The following ALK variants were observed in gnomAD, a reference collection of about 807,000 sequenced individuals.
ALK encodes the protein ALK receptor tyrosine kinase.
A neutral mutation model predicts 163.1 loss-of-function variants in ALK; 74 were observed. That is an observed-to-expected ratio of 0.45 (90% CI 0.38 to 0.55). The LOEUF is 0.55. Ranked by LOEUF, ALK falls within the 20% of genes least tolerant of loss-of-function variation. The probability of loss-of-function intolerance (pLI) is 0.00; values close to 1 mark genes in which losing one functional copy is unlikely to be tolerated. For missense variants in ALK, 2,063 were observed against 2,105.3 expected (o/e 0.98, Z 0.39); for synonymous variants, 960 against 843.2 (o/e 1.14, Z -2.40).
intron 3 of ALK, among the ~76,000 whole-genome samples, chr2:29,677,234 T>C (rs1403518802): frequency 1.7e-4 from 11 of 64,756 alleles, no homozygotes; most frequent in Non-Finnish European, 2.2e-4. Context: ...TCTTCCTTCC[T>C]TCTCCCCTCC....
intron 4 of ALK, among the ~76,000 whole-genome samples, chr2:29,521,793 C>G (rs1672819459): frequency 6.6e-6 from 1 of 152,156 alleles, no homozygotes; most frequent in Admixed American, 6.5e-5. Flanking sequence ...AATTCCATCA[C>G]CCGATTCCAT....
chr2:29,855,820 C>T (rs1666124004), intron 1 of ALK, among the ~76,000 whole-genome samples: 1 of 152,122 alleles, frequency 6.6e-6, no homozygotes, highest in Admixed American at 6.5e-5. Context: ...TGTAGTCTTC[C>T]CATTTCTTCA....
chr2:29,618,139 G>A (rs1218322003), intron 3 of ALK, among the ~76,000 whole-genome samples: 1 of 152,200 alleles, frequency 6.6e-6, no homozygotes, highest in Non-Finnish European at 1.5e-5. Context: ...ATTCACTCCA[G>A]TTCCAAGCAA....
chr2:29,401,312 AC>A (rs1172512134), intron 4 of ALK, among the ~76,000 whole-genome samples: 1 of 151,860 alleles, frequency 6.6e-6, no homozygotes, highest in African/African-American at 2.4e-5. Flanking sequence ...ATACTCCACA[AC>A]CCCCTCAGGT....
At chr2:29,910,347 G>GA (rs1171352358) in intron 1 of ALK, among the ~76,000 whole-genome samples, 3 of 151,462 alleles carry the variant, frequency 2.0e-5, no homozygotes, top group Admixed American at 6.6e-5. Flanking sequence ...AAGGGGCTGA[G>GA]AAAAAAAATG....
At chr2:29,694,588 G>A (rs1162389177) in intron 3 of ALK, among the ~76,000 whole-genome samples, 1 of 152,184 alleles carries the variant, frequency 6.6e-6, no homozygotes, top group African/African-American at 2.4e-5. Context: ...TTCTCCTGCA[G>A]GGAAATCTGC....
chr2:29,485,426 C>T (rs1313174997), intron 4 of ALK, among the ~76,000 whole-genome samples: 1 of 152,166 alleles, frequency 6.6e-6, no homozygotes, highest in Non-Finnish European at 1.5e-5. Flanking sequence ...TACCTGTTCT[C>T]ATTTCATTTC....
intron 3 of ALK, among the ~76,000 whole-genome samples, chr2:29,611,381 A>G (rs1675686758): frequency 6.6e-6 from 1 of 152,204 alleles, no homozygotes; most frequent in African/African-American, 2.4e-5. Flanking sequence ...TTTACTATCT[A>G]CTATGTGCCC....
At chr2:29,256,882 A>G (rs73920759) in intron 11 of ALK, among the ~76,000 whole-genome samples, 3,004 of 152,298 alleles carry the variant, frequency 0.02, 96 homozygotes, top group African/African-American at 0.067. Context: ...GTCCCCAGAG[A>G]GGACATGGGA....
chr2:29,763,628 G>A lies in ALK; in HGVS notation c.668-45931C>T, dbSNP rs190495769. Among the ~76,000 whole-genome samples the A allele has an allele frequency of 7.2e-5, 11 of 152,332 alleles. No homozygotes were observed. The East Asian group carries it at 1.9e-3, about 27-fold the overall frequency. On this transcript the variant is annotated intron_variant, in intron 1 of 28. Transcript: ENST00000389048. ...GAGGAGCTCATGCACCTCTGCTGAA[G>A]GGAAACTAGAGTGCCTGCCTGGCAG... is the stretch of plus-strand genomic sequence containing the variant.
intron 9 of ALK, among the ~76,000 whole-genome samples, chr2:29,282,642 G>C (rs556043948): frequency 6.6e-6 from 1 of 152,184 alleles, no homozygotes; most frequent in Non-Finnish European, 1.5e-5. Flanking sequence ...CCAGGAGCAT[G>C]AGTAAAAGTC....
At chr2:29,514,855 T>C (rs1327862327) in intron 4 of ALK, among the ~76,000 whole-genome samples, 2 of 152,186 alleles carry the variant, frequency 1.3e-5, no homozygotes, top group African/African-American at 4.8e-5. Flanking sequence ...CTCCCTTTCC[T>C]TGTGGTGCTG....
chr2:29,916,990 C>T (rs1239705752), intron 1 of ALK, among the ~76,000 whole-genome samples: 4 of 152,198 alleles, frequency 2.6e-5, no homozygotes, highest in Non-Finnish European at 5.9e-5. Context: ...TTTCTGAATT[C>T]ACAGTAACCC....
At chr2:29,330,206 C>A (rs980793596) in intron 5 of ALK, among the ~76,000 whole-genome samples, 1 of 152,212 alleles carries the variant, frequency 6.6e-6, no homozygotes, top group African/African-American at 2.4e-5. Flanking sequence ...GTGATCTGGG[C>A]CTAAGTTGCT....
intron 1 of ALK, among the ~76,000 whole-genome samples, chr2:29,748,787 C>G (rs1478776476): frequency 6.6e-6 from 1 of 152,040 alleles, no homozygotes. Flanking sequence ...ACTCTGTCAC[C>G]CAGGCTGGAA....
intron 1 of ALK, among the ~76,000 whole-genome samples, chr2:29,808,504 C>T (rs72854279): frequency 0.13 from 19,071 of 152,126 alleles, 1,319 homozygotes; most frequent in African/African-American, 0.19. Flanking sequence ...AGTCACTTTG[C>T]CTCATTTTTC....
At chr2:29,547,452 C>G (rs955390095) in intron 3 of ALK, among the ~76,000 whole-genome samples, 6 of 152,082 alleles carry the variant, frequency 3.9e-5, no homozygotes, top group Non-Finnish European at 8.8e-5. Context: ...AAAAGATTAG[C>G]CGGGCATGGT....
intron 4 of ALK, among the ~76,000 whole-genome samples, chr2:29,446,510 C>T (rs961755226): frequency 2.6e-5 from 4 of 152,168 alleles, no homozygotes; most frequent in Admixed American, 6.5e-5. Flanking sequence ...CCAAAGAGTT[C>T]CCTGTTCTCA....
At chr2:29,902,679 C>G (rs967315278) in intron 1 of ALK, among the ~76,000 whole-genome samples, 2 of 152,196 alleles carry the variant, frequency 1.3e-5, no homozygotes, top group Non-Finnish European at 1.5e-5. Context: ...TACAGGAAGA[C>G]AAACTGGACT....
Sources: allele counts gnomAD v4.1 joint callset (sites outside exome capture counted in the v4.1 genomes callset), GRCh38; gene constraint gnomAD v4.1.1; transcripts MANE v1.5; gene names NCBI Gene and HGNC (gene_info 2026-07-23, HGNC 2026-07-21).